Variants in PLXNA4 observed in about 807,000 individuals in gnomAD.
The protein encoded by PLXNA4 is plexin-A4.
PLXNA4 carries 44 observed loss-of-function variants against 191.8 expected under a neutral mutation model. The observed-to-expected ratio is 0.23, with a 90% CI of 0.18 to 0.29. PLXNA4 has a LOEUF of 0.29. PLXNA4 is among the 10% of genes least tolerant of loss of function. The pLI is 1.00. For missense variants in PLXNA4, 1,800 were observed against 2,488.8 expected, an observed-to-expected ratio of 0.72 and a Z score of 5.89; for synonymous variants, 1,082 against 1,009.5, an observed-to-expected ratio of 1.07 and a Z score of -1.36.
chr7:132,344,198 G>A (rs533858902), intron 3 of PLXNA4, among the ~76,000 whole-genome samples: 2 of 152,210 alleles, frequency 1.3e-5, no homozygotes, highest in South Asian at 2.1e-4. Flanking sequence ...GCACAGAAGG[G>A]GTGCCATGAC....
intron 30 of PLXNA4, among the ~76,000 whole-genome samples, chr7:132,140,263 T>C (rs934913240): frequency 3.9e-5 from 6 of 152,068 alleles, no homozygotes; most frequent in African/African-American, 1.4e-4. Flanking sequence ...ATGATGACAG[T>C]TTTTATTTAT....
intron 1 of PLXNA4, among the ~76,000 whole-genome samples, chr7:132,648,336 A>G (rs1203107025): frequency 6.6e-6 from 1 of 152,028 alleles, no homozygotes; most frequent in Middle Eastern, 3.2e-3. Flanking sequence ...TCCAACTCTT[A>G]CCAATTTTTC....
At chr7:132,515,158 C>T (rs1348884853) in intron 1 of PLXNA4, among the ~76,000 whole-genome samples, 1 of 152,140 alleles carries the variant, frequency 6.6e-6, no homozygotes, top group African/African-American at 2.4e-5. Flanking sequence ...CAGATGTAAC[C>T]TTGGAGAGGC....
chr7:132,130,485 G>A lies in PLXNA4; in HGVS notation c.5679C>T (p.Asp1893=), dbSNP rs772486050. The A allele has an allele frequency of 5.6e-6, 9 of 1,614,104 alleles. No individual in the cohort carries two copies. The highest frequency in any genetic ancestry group is 1.3e-5 in the African/African-American group (1 of 74,924). ...GGCCCTGGAAGGACGGTTCTCAGCT[G>A]TCTAAGCTCATGAGGGTTATGACTT... ...LEQVITLMSL[D]S The change falls in exon 32 of 32, where the codon GAC becomes GAT. Residue 1893 remains aspartate, a synonymous_variant. Transcript: ENST00000321063.
chr7:132,169,854 A>G (rs544470594), intron 21 of PLXNA4, among the ~76,000 whole-genome samples: 1 of 152,134 alleles, frequency 6.6e-6, no homozygotes, highest in East Asian at 1.9e-4. Flanking sequence ...CTGTTAAACC[A>G]AAAGACGTAC....
chr7:132,137,167 T>C (rs1795137516), intron 30 of PLXNA4, among the ~76,000 whole-genome samples: 2 of 152,388 alleles, frequency 1.3e-5, no homozygotes, highest in Non-Finnish European at 2.9e-5. Context: ...CACCATTTTA[T>C]GTATTTGACT....
intron 3 of PLXNA4, among the ~76,000 whole-genome samples, chr7:132,300,370 G>A (rs1419536087): frequency 6.6e-6 from 1 of 152,110 alleles, no homozygotes; most frequent in African/African-American, 2.4e-5. Flanking sequence ...TACAATTCCT[G>A]AGACTTTCTC....
chr7:132,376,619 C>A (rs1219243780), intron 3 of PLXNA4, among the ~76,000 whole-genome samples: 1 of 152,224 alleles, frequency 6.6e-6, no homozygotes, highest in Non-Finnish European at 1.5e-5. Flanking sequence ...TTCTCAGGAG[C>A]CCTGATCAAT....
At chr7:132,217,897 CTTTTTTTTTTTTTTTTTTT>C (rs138576612) in intron 9 of PLXNA4, among the ~76,000 whole-genome samples, 1 of 43,422 alleles carries the variant, frequency 2.3e-5, no homozygotes, top group Non-Finnish European at 3.7e-5. Context: ...GCTGGATTTG[CTTTTTTTTTTTTTTTTTTT>C]TTTTTTTTTT....
chr7:132,507,660 C>T lies in PLXNA4; in HGVS notation c.1034G>A (p.Arg345Gln), dbSNP rs754647909. The change falls in exon 2 of 32, where the codon CGG becomes CAG. Residue 345 changes from arginine to glutamine, a missense_variant. Arg to Gln is a conservative substitution (Grantham distance 43). This residue lies in a region of PLXNA4 where 1,397 missense variants were observed against 1,880.4 expected (regional missense o/e 0.74). Transcript: ENST00000321063. ...CGACTCATCCAGGGATTTCATTTTC[C>T]GCTTCTGGCCCTTGGAGAAGACGGT... Reference protein sequence around the residue: ...LFTVFSKGQKRKMKSLDESAL... With the variant: ...LFTVFSKGQKQKMKSLDESAL... The T allele has an allele frequency of 1.9e-5, 31 of 1,614,088 alleles. No individual in the cohort carries two copies. The highest frequency in any genetic ancestry group is 4.4e-5 in the South Asian group (4 of 91,092).
chr7:132,359,082 C>T (rs1321712047), intron 3 of PLXNA4, among the ~76,000 whole-genome samples: 1 of 152,116 alleles, frequency 6.6e-6, no homozygotes, highest in East Asian at 1.9e-4. Context: ...CTTCCTGTCT[C>T]AGTTTTCTCC....
chr7:132,524,490 T>G (rs12113154), intron 1 of PLXNA4, among the ~76,000 whole-genome samples: 4,986 of 152,262 alleles, frequency 0.033, 271 homozygotes, highest in African/African-American at 0.11. Context: ...TGCCCTGGGT[T>G]CCCCATTATA....
intron 1 of PLXNA4, among the ~76,000 whole-genome samples, chr7:132,557,450 C>T (rs994159279): frequency 1.3e-5 from 2 of 151,546 alleles, no homozygotes; most frequent in East Asian, 1.9e-4. Context: ...GAGGAAATGG[C>T]GGCAGGGGGG....
At chr7:132,270,468 GAGTTC>G (rs1254661902) in intron 4 of PLXNA4, among the ~76,000 whole-genome samples, 1 of 152,208 alleles carries the variant, frequency 6.6e-6, no homozygotes, top group Non-Finnish European at 1.5e-5. Flanking sequence ...GCAGTCTCAT[GAGTTC>G]AGAAAGTAAA....
chr7:132,335,797 C>T (rs1016435434), intron 3 of PLXNA4, among the ~76,000 whole-genome samples: 9 of 152,208 alleles, frequency 5.9e-5, no homozygotes, highest in Non-Finnish European at 1.2e-4. Context: ...CAATGAAGAA[C>T]TAAAGCTAAC....
chr7:132,202,565 G>T, intron 12 of PLXNA4, 81 bp downstream of exon 12: 1 of 1,345,716 alleles, frequency 7.4e-7, no homozygotes, highest in South Asian at 2.1e-5. Context: ...CCGACACCAC[G>T]GCTGGGCAGA....
chr7:132,545,805 T>TTTGA (rs2116534345), intron 1 of PLXNA4, among the ~76,000 whole-genome samples: 1 of 152,008 alleles, frequency 6.6e-6, no homozygotes, highest in Non-Finnish European at 1.5e-5. Context: ...TAGGGAGAGG[T>TTTGA]TTGACTGACT....
At chr7:132,474,664 A>AT (rs1797060642) in intron 3 of PLXNA4, among the ~76,000 whole-genome samples, 1 of 152,058 alleles carries the variant, frequency 6.6e-6, no homozygotes, top group Admixed American at 6.5e-5. Flanking sequence ...ACACACAATT[A>AT]AATCCTATCA....
At chr7:132,144,553 G>C (rs1795363536) in intron 29 of PLXNA4, among the ~76,000 whole-genome samples, 1 of 152,182 alleles carries the variant, frequency 6.6e-6, no homozygotes, top group Admixed American at 6.5e-5. Flanking sequence ...GAATAGAATA[G>C]GAATGCCCTT....
Sources: allele counts gnomAD v4.1 joint callset (sites outside exome capture counted in the v4.1 genomes callset), GRCh38; gene constraint gnomAD v4.1.1; regional missense constraint gnomAD v4.1.1; transcripts MANE v1.5; gene names NCBI Gene and HGNC (gene_info 2026-07-23, HGNC 2026-07-21).